Variants in HS3ST4 observed in about 807,000 individuals in gnomAD.
The protein encoded by HS3ST4 is heparan sulfate-glucosamine 3-sulfotransferase 4.
A neutral mutation model predicts 29.2 loss-of-function variants in HS3ST4; 17 were observed. The ratio of observed to expected loss-of-function variants is 0.58; its 90% CI spans 0.40 to 0.87. The LOEUF (loss-of-function observed/expected upper bound fraction) is 0.87, where lower values mean the gene tolerates loss of function less well. HS3ST4 is among the 40% of genes least tolerant of loss of function. HS3ST4 has a pLI of 0.00. For synonymous variants in HS3ST4, 314 were observed against 285.7 expected (o/e 1.10, Z -1.00); for missense variants, 627 against 634.5 (o/e 0.99, Z 0.13).
intron 1 of HS3ST4, among the ~76,000 whole-genome samples, chr16:25,749,458 G>A (rs1966705478): frequency 6.6e-6 from 1 of 151,996 alleles, no homozygotes; most frequent in South Asian, 2.1e-4. Flanking sequence ...TTGCACCACT[G>A]TATTCCAGCC....
chr16:25,806,325 G>A (rs1966990513), intron 1 of HS3ST4, among the ~76,000 whole-genome samples: 1 of 151,138 alleles, frequency 6.6e-6, no homozygotes, highest in Non-Finnish European at 1.5e-5. Context: ...GCAAGCGTGT[G>A]TGTGTGTGTA....
At chr16:26,041,626 G>A (rs1480599164) in intron 1 of HS3ST4, among the ~76,000 whole-genome samples, 1 of 152,096 alleles carries the variant, frequency 6.6e-6, no homozygotes, top group African/African-American at 2.4e-5. Flanking sequence ...AGATTTTGCA[G>A]GCCGTGAAGT....
At chr16:25,861,666 C>T (rs1419773117) in intron 1 of HS3ST4, among the ~76,000 whole-genome samples, 1 of 152,112 alleles carries the variant, frequency 6.6e-6, no homozygotes, top group East Asian at 1.9e-4. Flanking sequence ...TTTACACTCC[C>T]TCAAATAACT....
intron 1 of HS3ST4, 115 bp downstream of exon 1, chr16:25,693,266 C>G (rs1596545478): frequency 8.6e-7 from 1 of 1,164,976 alleles, no homozygotes; most frequent in East Asian, 3.0e-5. Flanking sequence ...GCCCAAGCCC[C>G]CGCGAGGGCT....
At chr16:25,874,633 A>G (rs1427608562) in intron 1 of HS3ST4, among the ~76,000 whole-genome samples, 1 of 152,156 alleles carries the variant, frequency 6.6e-6, no homozygotes, top group Non-Finnish European at 1.5e-5. Context: ...TCTTCCATCC[A>G]TTCATTCATC....
chr16:25,750,669 T>C (rs773545373), intron 1 of HS3ST4, among the ~76,000 whole-genome samples: 10 of 152,242 alleles, frequency 6.6e-5, no homozygotes, highest in Non-Finnish European at 8.8e-5. Flanking sequence ...TTCACACTTA[T>C]GCAATTTCTC....
At chr16:25,892,784 T>A (rs1038409457) in intron 1 of HS3ST4, among the ~76,000 whole-genome samples, 2 of 152,140 alleles carry the variant, frequency 1.3e-5, no homozygotes, top group Non-Finnish European at 2.9e-5. Flanking sequence ...TCTATTCCCT[T>A]CTTAACTCAT....
intron 1 of HS3ST4, among the ~76,000 whole-genome samples, chr16:25,835,259 A>C (rs553277052): frequency 6.6e-6 from 1 of 152,208 alleles, no homozygotes; most frequent in East Asian, 1.9e-4. Context: ...GAACATCAAA[A>C]CTCCTGACTA....
chr16:25,751,846 G>A (rs1966722796), intron 1 of HS3ST4, among the ~76,000 whole-genome samples: 1 of 152,192 alleles, frequency 6.6e-6, no homozygotes, highest in African/African-American at 2.4e-5. Context: ...AGGAAAGGCT[G>A]GTACTGGAGC....
intron 1 of HS3ST4, among the ~76,000 whole-genome samples, chr16:25,697,609 G>A (rs1966307023): frequency 6.6e-6 from 1 of 152,322 alleles, no homozygotes; most frequent in South Asian, 2.1e-4. Context: ...GTAGTGCTTT[G>A]TAAACTTTAG....
intron 1 of HS3ST4, among the ~76,000 whole-genome samples, chr16:25,875,609 G>A (rs1031485460): frequency 7.5e-4 from 114 of 152,106 alleles, no homozygotes; most frequent in African/African-American, 2.6e-3. Context: ...CACCTGTTAA[G>A]TCCAATATGA....
chr16:25,848,460 AT>A (rs11454037), intron 1 of HS3ST4, among the ~76,000 whole-genome samples: 39 of 149,512 alleles, frequency 2.6e-4, no homozygotes, highest in Non-Finnish European at 2.4e-4. Context: ...CGAAAAAATA[AT>A]TTTTTTTTTT....
At chr16:25,819,050 G>C (rs1005696839) in intron 1 of HS3ST4, among the ~76,000 whole-genome samples, 1 of 152,146 alleles carries the variant, frequency 6.6e-6, no homozygotes, top group South Asian at 2.1e-4. Flanking sequence ...AGAAGAAAGG[G>C]AGTCAGAAGG....
At chr16:25,717,863 G>A (rs1262690583) in intron 1 of HS3ST4, among the ~76,000 whole-genome samples, 2 of 152,102 alleles carry the variant, frequency 1.3e-5, no homozygotes, top group East Asian at 1.9e-4. Context: ...ACAAGAGTAC[G>A]TACATCTAGG....
At chr16:26,072,816 T>A (rs1898616771) in intron 1 of HS3ST4, among the ~76,000 whole-genome samples, 1 of 152,178 alleles carries the variant, frequency 6.6e-6, no homozygotes, top group Non-Finnish European at 1.5e-5. Context: ...ATCAGAAAAA[T>A]TTAGAAAACT....
At chr16:25,905,049 T>G (rs1258470577) in intron 1 of HS3ST4, among the ~76,000 whole-genome samples, 1 of 152,158 alleles carries the variant, frequency 6.6e-6, no homozygotes, top group East Asian at 1.9e-4. Flanking sequence ...GACGGAGGCA[T>G]GGGTCAGTTA....
intron 1 of HS3ST4, among the ~76,000 whole-genome samples, chr16:25,767,240 C>T (rs1966826261): frequency 6.6e-6 from 1 of 152,196 alleles, no homozygotes; most frequent in South Asian, 2.1e-4. Context: ...TCTGCATGGT[C>T]GTACTAAAGA....
In HS3ST4 at chr16:25,800,100, T is replaced by TCCTTCCTGCCTTCCTG. The variant is rs150371566; in HGVS notation, c.734+106965_734+106980dup. 9.4e-5 allele frequency among the ~76,000 whole-genome samples: 14 copies of TCCTTCCTGCCTTCCTG among 149,714 alleles called. 1 individual carries two copies. Among genetic ancestry groups the TCCTTCCTGCCTTCCTG allele is most frequent in the East Asian group, 5.9e-4 (3 of 5,076 alleles). On this transcript the variant is annotated intron_variant, in intron 1 of 1. Coordinates refer to ENST00000331351, the MANE Select transcript of HS3ST4 (RefSeq NM_006040.3). ...TTCCTTCCTTCCTTCCTGCCTTCCTTCCTTCCTGCCTTCCTGCCTTCCTGC... is the reference window on the plus strand; with the variant it reads ...TTCCTTCCTTCCTTCCTGCCTTCCTTCCTTCCTGCCTTCCTGCCTTCCTGCCTTCCTGCCTTCCTGC...
chr16:26,114,816 G>A (rs985853971), intron 1 of HS3ST4, among the ~76,000 whole-genome samples: 1 of 152,098 alleles, frequency 6.6e-6, no homozygotes, highest in African/African-American at 2.4e-5. Context: ...CAATTTACCA[G>A]TATCTTAAGA....
Sources: gnomAD v4.1 joint callset for allele counts (sites outside exome capture counted in the v4.1 genomes callset) on GRCh38, gnomAD v4.1.1 for gene constraint, MANE v1.5 for transcripts, NCBI Gene and HGNC (gene_info 2026-07-23, HGNC 2026-07-21) for gene names.